OXCT1: variants seen among roughly 807,000 people sequenced by gnomAD.
OXCT1 encodes 3-oxoacid CoA-transferase 1.
Under a neutral mutation model 69.6 loss-of-function variants are expected in OXCT1, and 27 were observed. That is an observed-to-expected ratio of 0.39 (90% confidence interval 0.29 to 0.54). The LOEUF (loss-of-function observed/expected upper bound fraction) is 0.54, where lower values mean the gene tolerates loss of function less well. OXCT1 is among the 20% of genes least tolerant of loss of function. The pLI, the probability that OXCT1 is intolerant of heterozygous loss-of-function variation, is 0.72. For missense variants in OXCT1, 437 were observed against 650.2 expected (o/e 0.67, Z 3.57); for synonymous variants, 202 against 217.8 (o/e 0.93, Z 0.64).
intron 7 of OXCT1, among the ~76,000 whole-genome samples, chr5:41,828,282 T>C (rs1003580180): frequency 4.0e-5 from 6 of 151,786 alleles, no homozygotes; most frequent in African/African-American, 1.5e-4. Flanking sequence ...TAATTTTTTT[T>C]TTTTTGCATT....
At chr5:41,858,368 T>C (rs1274799853) in intron 3 of OXCT1, among the ~76,000 whole-genome samples, 15 of 152,214 alleles carry the variant, frequency 9.9e-5, no homozygotes, top group Admixed American at 9.8e-4. Flanking sequence ...TGTGATCTTT[T>C]GCAAATGGGG....
intron 4 of OXCT1, among the ~76,000 whole-genome samples, chr5:41,853,122 T>C (rs1049615079): frequency 1.6e-4 from 24 of 152,170 alleles, no homozygotes; most frequent in Non-Finnish European, 2.8e-4. Flanking sequence ...AGGATGATTC[T>C]CAAACATTCC....
intron 7 of OXCT1, among the ~76,000 whole-genome samples, chr5:41,819,602 T>A (rs1322671322): frequency 1.3e-5 from 2 of 152,048 alleles, no homozygotes; most frequent in African/African-American, 4.8e-5. Flanking sequence ...ACTCCTTACC[T>A]CAGGTGATCT....
rs116732205 is a variant in OXCT1 at position 41,752,435 on chromosome 5, G to T, written c.1339-2828C>A. ...ATGAAGGGTTGTCAGAAAAGGCAGAGAAATAGATACAAAGCATAGCATTAA... is the reference window on the plus strand; with the variant it reads ...ATGAAGGGTTGTCAGAAAAGGCAGATAAATAGATACAAAGCATAGCATTAA... On this transcript the variant is annotated intron_variant, in intron 14 of 16. Coordinates refer to ENST00000196371, the MANE Select transcript of OXCT1 (RefSeq NM_000436.4). Among the ~76,000 whole-genome samples, 1,001 of 152,138 alleles carry T rather than the reference G, an allele frequency of 6.6e-3. 3 individuals are homozygous for T. Among genetic ancestry groups the T allele is most frequent in the Non-Finnish European group, 7.6e-3 (517 of 67,984 alleles).
At chr5:41,820,752 A>G (rs1279172183) in intron 7 of OXCT1, among the ~76,000 whole-genome samples, 1 of 152,136 alleles carries the variant, frequency 6.6e-6, no homozygotes, top group Non-Finnish European at 1.5e-5. Flanking sequence ...ATCCTGACCC[A>G]AATGTCCCTA....
At chr5:41,768,014 T>G (rs1367100144) in intron 13 of OXCT1, among the ~76,000 whole-genome samples, 3 of 152,080 alleles carry the variant, frequency 2.0e-5, no homozygotes. Flanking sequence ...GAACTGCCCC[T>G]GTCTCTGATG....
intron 11 of OXCT1, among the ~76,000 whole-genome samples, chr5:41,799,897 T>G (rs1274590269): frequency 6.6e-6 from 1 of 152,210 alleles, no homozygotes; most frequent in East Asian, 1.9e-4. Context: ...CAGCTCATAT[T>G]ACCTGTCTTC....
chr5:41,841,700 CT>C (rs1348697204), intron 6 of OXCT1, among the ~76,000 whole-genome samples: 1 of 152,072 alleles, frequency 6.6e-6, no homozygotes, highest in African/African-American at 2.4e-5. Context: ...TTTTGTTAAT[CT>C]TTTTTAAAAA....
intron 5 of OXCT1, among the ~76,000 whole-genome samples, chr5:41,848,338 G>A (rs1448857264): frequency 1.3e-4 from 19 of 147,494 alleles, no homozygotes; most frequent in African/African-American, 4.3e-4. Flanking sequence ...AATCAATATC[G>A]TGAAAATGGC....
At chr5:41,786,785 C>T (rs1222093203) in intron 13 of OXCT1, among the ~76,000 whole-genome samples, 2 of 152,162 alleles carry the variant, frequency 1.3e-5, no homozygotes, top group African/African-American at 2.4e-5. Flanking sequence ...AGAAGAAATG[C>T]ACACACATTC....
Position 41,794,732 on chromosome 5 carries a change from T to C in OXCT1, c.1117A>G (p.Ile373Val), listed in dbSNP as rs149902962. The change falls in exon 12 of 17, where the codon ATT becomes GTT. Residue 373 changes from isoleucine (I) to valine (V), a missense_variant. Physicochemically the swap from Ile to Val is conservative, Grantham distance 29. Transcript: ENST00000196371. Reference protein sequence around the residue: ...LINAGKETVTILPGASFFSSD... With the variant: ...LINAGKETVTVLPGASFFSSD... ...GAGAAAAAAGAGGCTCCTGGAAGAATAGTAACTGTTTCCTTGCCTAAACAC... is the reference window on the plus strand; with the variant it reads ...GAGAAAAAAGAGGCTCCTGGAAGAACAGTAACTGTTTCCTTGCCTAAACAC... The C allele has an allele frequency of 4.3e-6, 7 of 1,613,660 alleles. No homozygotes were observed. The highest frequency in any genetic ancestry group is 3.3e-5 in the South Asian group (3 of 91,080).
chr5:41,760,343 C>T (rs1405497141), intron 14 of OXCT1, among the ~76,000 whole-genome samples: 1 of 152,044 alleles, frequency 6.6e-6, no homozygotes, highest in Non-Finnish European at 1.5e-5. Context: ...AAAAATACCT[C>T]ATTCCAATTC....
Position 41,776,183 on chromosome 5 carries a change from G to A in OXCT1, c.1249-13983C>T, listed in dbSNP as rs569171289. On this transcript the variant is annotated intron_variant, in intron 13 of 16. Transcript: ENST00000196371. ...ATGAGAAAAACATCAGACAAATCCA[G>A]ATTGGGGGACATTCTATATGACATC... Among the ~76,000 whole-genome samples the A allele has an allele frequency of 2.6e-5, 4 of 152,258 alleles. No individual in the cohort carries two copies. In the East Asian group the frequency reaches 7.7e-4, roughly 29 times the overall value.
intron 3 of OXCT1, among the ~76,000 whole-genome samples, chr5:41,855,107 C>A (rs1749370828): frequency 6.6e-6 from 1 of 152,044 alleles, no homozygotes; most frequent in African/African-American, 2.4e-5. Flanking sequence ...TCATCTATAA[C>A]CATCAGTAAC....
intron 14 of OXCT1, among the ~76,000 whole-genome samples, chr5:41,750,138 T>G (rs1248818625): frequency 2.1e-5 from 3 of 140,486 alleles, no homozygotes; most frequent in Non-Finnish European, 4.5e-5. Flanking sequence ...TTTTTTGGTT[T>G]TTTTTTTTTT....
At position 41,780,617 on chromosome 5, in the gene OXCT1, TAAG is replaced by T. The variant is rs531782282; in HGVS notation, c.1248+13383_1248+13385del. On this transcript the variant is annotated intron_variant, in intron 13 of 16. Transcript: ENST00000196371. Reference sequence around the variant, plus strand: ...ATTTTTTTAAAATTATTATAGCTGATAAGAAAATTTAGTAAAATGAATAGGTAT... The same window carrying T: ...ATTTTTTTAAAATTATTATAGCTGATAAAATTTAGTAAAATGAATAGGTAT... Among the ~76,000 whole-genome samples, 783 of 152,296 alleles carry T rather than the reference TAAG, an allele frequency of 5.1e-3. 1 individual carries two copies. The highest frequency in any genetic ancestry group is 8.3e-3 in the Admixed American group (127 of 15,296).
chr5:41,847,406 G>A (rs1748968658), intron 5 of OXCT1, among the ~76,000 whole-genome samples: 3 of 152,074 alleles, frequency 2.0e-5, no homozygotes, highest in African/African-American at 7.2e-5. Context: ...TAGAAAAAGA[G>A]GGAATCCTCC....
chr5:41,749,737 GCA>G (rs769242126), intron 14 of OXCT1, 130 bp from the exon 15 acceptor site: 3 of 679,170 alleles, frequency 4.4e-6, no homozygotes, highest in Non-Finnish European at 7.9e-6. Context: ...CAGAATTTTT[GCA>G]CAGTTACATT....
chr5:41,790,611 C>A (rs1210109592), intron 13 of OXCT1, among the ~76,000 whole-genome samples: 1 of 152,128 alleles, frequency 6.6e-6, no homozygotes, highest in Non-Finnish European at 1.5e-5. Flanking sequence ...ATGCTGAGAA[C>A]TCATGGCTTA....
Sources: allele counts gnomAD v4.1 joint callset (sites outside exome capture counted in the v4.1 genomes callset), GRCh38; gene constraint gnomAD v4.1.1; transcripts MANE v1.5; gene names NCBI Gene and HGNC (gene_info 2026-07-23, HGNC 2026-07-21).